Variants in VPS53 observed in about 807,000 individuals in gnomAD.
VPS53 encodes VPS53 subunit of GARP complex.
VPS53 carries 70 observed loss-of-function variants against 107.0 expected under a neutral mutation model. The observed-to-expected ratio is 0.65, with a 90% CI of 0.54 to 0.80. The LOEUF (loss-of-function observed/expected upper bound fraction) is 0.80. Ranked by LOEUF, VPS53 falls within the 30% of genes least tolerant of loss-of-function variation. The pLI is 0.00. For synonymous variants in VPS53, 409 were observed against 393.3 expected (o/e 1.04, Z -0.47); for missense variants, 917 against 1,049.4 (o/e 0.87, Z 1.74).
At chr17:556,748 T>G (rs1012605263) in intron 15 of VPS53, among the ~76,000 whole-genome samples, 1 of 152,174 alleles carries the variant, frequency 6.6e-6, no homozygotes, top group Admixed American at 6.5e-5. Context: ...GTGAACAAAG[T>G]AGACTTTCTG....
At chr17:600,041 TG>T (rs1371053337) in intron 12 of VPS53, 16 of 152,206 alleles carry the variant, frequency 1.1e-4, no homozygotes, top group African/African-American at 3.9e-4. Context: ...CAGATGTCAG[TG>T]TTCTGTGTTC....
In VPS53 at chr17:623,450, T is replaced by C. The variant is rs1969555860; in HGVS notation, c.1116+83A>G. The C allele has an allele frequency of 2.0e-6, 3 of 1,498,726 alleles. No homozygotes were observed. In the African/African-American group the frequency reaches 4.2e-5, roughly 21 times the overall value. The allele number at this position is 1,498,726 out of a possible 1,614,324, so 92.8% of individuals were successfully genotyped here. On this transcript the variant is annotated intron_variant, in intron 11 of 21. Transcript: ENST00000437048. ...GGGGTTAAGCACCGAAGCCAATGGA[T>C]AGAGTCACCATACAGTGAAACCCTG...
chr17:585,907 G>C (rs1321831826), intron 13 of VPS53, among the ~76,000 whole-genome samples: 2 of 152,062 alleles, frequency 1.3e-5, no homozygotes, highest in African/African-American at 4.8e-5. Context: ...CAAAATAAAA[G>C]GATAAATTAT....
intron 12 of VPS53, among the ~76,000 whole-genome samples, chr17:594,451 T>G (rs560770612): frequency 6.7e-5 from 10 of 150,310 alleles, no homozygotes; most frequent in Non-Finnish European, 1.3e-4. Flanking sequence ...GATGATGCAC[T>G]CTAGTGCCCC....
chr17:512,016 T>TACG lies in VPS53; in HGVS notation c.*7109_*7111dup, dbSNP rs1306307574. 2 of 152,244 alleles carry TACG rather than the reference T, an allele frequency of 1.3e-5. No homozygotes were observed. The highest frequency in any genetic ancestry group is 2.9e-5 in the Non-Finnish European group (2 of 68,064). The allele number at this position is 152,244 out of a possible 1,614,324, so 9.4% of individuals were successfully genotyped here. A position where few individuals can be genotyped will look rare whatever the true frequency, so the allele number is the denominator to read the frequency against. Reference sequence around the variant, plus strand: ...TGTCTGCAGGTTTATCCCTAAATGCTACGGAAGCAGCAGCTGCCAGGGGAA... The same window carrying TACG: ...TGTCTGCAGGTTTATCCCTAAATGCTACGACGGAAGCAGCAGCTGCCAGGGGAA... On this transcript the variant is annotated 3_prime_UTR_variant, in exon 22 of 22. Coordinates refer to ENST00000437048, the MANE Select transcript of VPS53 (RefSeq NM_001128159.3).
chr17:519,425 A>C lies in VPS53; in HGVS notation c.2329-127T>G. On this transcript the variant is annotated intron_variant, in intron 21 of 21. Transcript: ENST00000437048. The surrounding 1 kb of genome is among the most constrained non-coding windows in gnomAD (Gnocchi z 5.0). ...ACAGCATAGTTACTCCAGGCTGAGG[A>C]TGAACCGTTTCCTCAAGGGACTCAC... is the stretch of plus-strand genomic sequence containing the variant. 9.9e-7 allele frequency: 1 copy of C among 1,013,902 alleles called. No individual in the cohort carries two copies. The allele number at this position is 1,013,902 out of a possible 1,614,324, so 62.8% of individuals were successfully genotyped here.
chr17:628,367 G>T, intron 8 of VPS53, 136 bp from the exon 9 acceptor site: 1 of 1,056,736 alleles, frequency 9.5e-7, no homozygotes, highest in Non-Finnish European at 1.3e-6. Context: ...TTTCTGCTGT[G>T]GCTGGATCTG....
At chr17:675,334 G>A (rs1972108420) in intron 4 of VPS53, 1 of 152,246 alleles carries the variant, frequency 6.6e-6, no homozygotes, top group Non-Finnish European at 1.5e-5. Flanking sequence ...GGAGAGGGCT[G>A]TCTGTCGCGA....
At chr17:581,780 C>T (rs146155416) in intron 13 of VPS53, among the ~76,000 whole-genome samples, 25 of 151,820 alleles carry the variant, frequency 1.6e-4, no homozygotes, top group African/African-American at 5.8e-4. Context: ...AATGCGTTCC[C>T]ACAGAAATTC....
rs61481218 is a variant in VPS53, at chr17:618,262, T to C, written c.1116+5271A>G. On this transcript the variant is annotated intron_variant, in intron 11 of 21. Transcript: ENST00000437048. The stretch of plus-strand genomic sequence containing the variant: ...GACTACAGGCGTGCACCACCACGCC[T>C]GCTAATATTTCCCGGGTAGCTGGGA... Among the ~76,000 whole-genome samples the C allele has an allele frequency of 1.3e-4, 9 of 67,016 alleles. No individual in the cohort carries two copies. The East Asian group carries it at 2.6e-3, about 19-fold the overall frequency. The allele number at this position is 67,016 out of a possible 152,430, so 44.0% of individuals were successfully genotyped here.
At chr17:680,527 GA>G (rs1179630565) in intron 4 of VPS53, among the ~76,000 whole-genome samples, 1 of 152,006 alleles carries the variant, frequency 6.6e-6, no homozygotes, top group Admixed American at 6.6e-5. Context: ...TCAACAACAT[GA>G]AAAAACCCCT....
At position 601,904 on chromosome 17, in the gene VPS53, G is replaced by A. The variant is rs368591104; in HGVS notation, c.1117-8C>T. 25 of 1,562,388 alleles carry A rather than the reference G, an allele frequency of 1.6e-5. No homozygotes were observed. The highest frequency in any genetic ancestry group is 2.2e-5 in the Non-Finnish European group (25 of 1,151,978). On this transcript the variant is annotated splice_region_variant and splice_polypyrimidine_tract_variant and intron_variant, in intron 11 of 21. Coordinates refer to ENST00000437048, the MANE Select transcript of VPS53 (RefSeq NM_001128159.3). ...TGGAGACTCAAGCTTTTTCTGTTAG[G>A]TAGATATGAGAAAGAGAAGTGTTTT... is the stretch of plus-strand genomic sequence containing the variant.
chr17:693,398 G>C (rs1193975025), intron 4 of VPS53, among the ~76,000 whole-genome samples: 1 of 152,066 alleles, frequency 6.6e-6, no homozygotes, highest in African/African-American at 2.4e-5. Flanking sequence ...GCATCCACTG[G>C]GGGTCTTGGA....
intron 2 of VPS53, among the ~76,000 whole-genome samples, chr17:705,278 T>C (rs1394823349): frequency 6.6e-6 from 1 of 152,076 alleles, no homozygotes; most frequent in Non-Finnish European, 1.5e-5. Context: ...TCTGGCTACC[T>C]AGAAACCAGT....
At chr17:654,127 G>A (rs892663126) in intron 6 of VPS53, among the ~76,000 whole-genome samples, 1 of 152,088 alleles carries the variant, frequency 6.6e-6, no homozygotes, top group Non-Finnish European at 1.5e-5. Context: ...CCTGGGAGGC[G>A]GAGGTTTCAG....
intron 7 of VPS53, 132 bp from the exon 8 acceptor site, chr17:631,760 G>C (rs962461927): frequency 1.4e-6 from 1 of 694,646 alleles, no homozygotes; most frequent in African/African-American, 1.8e-5. Flanking sequence ...CATGAGGTGA[G>C]AGGTCACATA....
At chr17:626,857 T>C (rs1567687215) in intron 10 of VPS53, among the ~76,000 whole-genome samples, 2 of 152,208 alleles carry the variant, frequency 1.3e-5, no homozygotes, top group South Asian at 2.1e-4. Context: ...CACAGCACAC[T>C]GATACATGCG....
At chr17:599,416 C>T (rs922110841) in intron 12 of VPS53, among the ~76,000 whole-genome samples, 1 of 151,958 alleles carries the variant, frequency 6.6e-6, no homozygotes, top group Non-Finnish European at 1.5e-5. Context: ...AAGAAAACTT[C>T]TTCTGCCTTG....
intron 2 of VPS53, among the ~76,000 whole-genome samples, chr17:704,853 T>C (rs1397792022): frequency 1.3e-5 from 2 of 152,234 alleles, no homozygotes; most frequent in African/African-American, 4.8e-5. Context: ...CACTTCTTTT[T>C]GTTTTGGTGA....
Sources: allele counts gnomAD v4.1 joint callset (sites outside exome capture counted in the v4.1 genomes callset), GRCh38; gene constraint gnomAD v4.1.1; non-coding constraint Gnocchi (gnomAD v3.1); transcripts MANE v1.5; gene names NCBI Gene and HGNC (gene_info 2026-07-23, HGNC 2026-07-21).